ARHGEF38: variants seen among roughly 807,000 people sequenced by gnomAD.
ARHGEF38 encodes Rho guanine nucleotide exchange factor (GEF) 38.
A neutral mutation model predicts 79.9 loss-of-function variants in ARHGEF38; 79 were observed. The observed-to-expected ratio is 0.99, with a 90% confidence interval of 0.82 to 1.19. ARHGEF38 has a LOEUF of 1.19. Ranked by LOEUF, ARHGEF38 falls within the 50% of genes most tolerant of loss-of-function variation. The pLI is 0.00. For missense variants in ARHGEF38, 962 were observed against 907.2 expected, an observed-to-expected ratio of 1.06 and a Z score of -0.78; for synonymous variants, 366 against 328.3, an observed-to-expected ratio of 1.11 and a Z score of -1.24.
intron 2 of ARHGEF38, among the ~76,000 whole-genome samples, chr4:105,608,617 G>A (rs901668305): frequency 2.0e-5 from 3 of 151,778 alleles, no homozygotes; most frequent in East Asian, 1.9e-4. Context: ...TTTGTGTTGG[G>A]ACATTCCAAA....
chr4:105,679,635 C>CAG lies in ARHGEF38; in HGVS notation c.*1702_*1703dup, dbSNP rs1170575867. 2.5e-6 allele frequency: 2 copies of CAG among 813,784 alleles called. No homozygotes were observed. The allele number at this position is 813,784 out of a possible 1,614,324, so 50.4% of individuals were successfully genotyped here. The stretch of plus-strand genomic sequence containing the variant: ...CAACAGCAGCATAAGAAATGGAAGC[C>CAG]AGAGACCTTATGGCATCCATGCTTT... On this transcript the variant is annotated 3_prime_UTR_variant, in exon 14 of 14. Coordinates refer to ENST00000420470, the MANE Select transcript of ARHGEF38 (RefSeq NM_001242729.2).
chr4:105,581,835 T>C (rs1726804355), intron 1 of ARHGEF38, among the ~76,000 whole-genome samples: 1 of 152,166 alleles, frequency 6.6e-6, no homozygotes, highest in Non-Finnish European at 1.5e-5. Context: ...ACTCATGGTA[T>C]CGTGTTTCCG....
intron 1 of ARHGEF38, among the ~76,000 whole-genome samples, chr4:105,555,308 C>T (rs1391989326): frequency 1.3e-5 from 2 of 152,118 alleles, no homozygotes; most frequent in Non-Finnish European, 2.9e-5. Flanking sequence ...ATCTTAAAAA[C>T]GTAACCCTTA....
chr4:105,567,925 T>TC (rs1310118997), intron 1 of ARHGEF38, among the ~76,000 whole-genome samples: 1 of 71,798 alleles, frequency 1.4e-5, no homozygotes, highest in Non-Finnish European at 2.7e-5. Flanking sequence ...GTGCTATCCC[T>TC]CCCCCCCTCC....
chr4:105,608,036 G>A (rs1354472608), intron 2 of ARHGEF38, among the ~76,000 whole-genome samples: 1 of 152,058 alleles, frequency 6.6e-6, no homozygotes, highest in East Asian at 1.9e-4. Context: ...CTGGAAGCTG[G>A]GAAGTCCCAG....
chr4:105,614,117 A>C (rs1465406680), intron 3 of ARHGEF38, among the ~76,000 whole-genome samples: 1 of 152,132 alleles, frequency 6.6e-6, no homozygotes, highest in Non-Finnish European at 1.5e-5. Flanking sequence ...AAAAGTATTG[A>C]GCCAAATTTT....
chr4:105,575,160 T>C (rs1726436920), intron 1 of ARHGEF38, among the ~76,000 whole-genome samples: 1 of 152,164 alleles, frequency 6.6e-6, no homozygotes, highest in Non-Finnish European at 1.5e-5. Context: ...ATGACTTCTT[T>C]CCTTTGGGTA....
Position 105,678,046 on chromosome 4 carries a change from A to T in ARHGEF38, c.*109A>T. On this transcript the variant is annotated 3_prime_UTR_variant, in exon 14 of 14. Coordinates refer to ENST00000420470, the MANE Select transcript of ARHGEF38 (RefSeq NM_001242729.2). The stretch of plus-strand genomic sequence containing the variant: ...AAAGCAAGAAACCTCTGAACTACAG[A>T]AACTGATACTGTACTGGGTTTTCAG... 1 of 880,998 alleles carries T rather than the reference A, an allele frequency of 1.1e-6. No individual in the cohort carries two copies. Among genetic ancestry groups the T allele is most frequent in the Non-Finnish European group, 1.7e-6 (1 of 604,752 alleles). 54.6% of individuals were successfully genotyped at this position (880,998 alleles called of 1,614,324 possible).
intron 4 of ARHGEF38, chr4:105,631,310 T>A (rs1729183496): frequency 9.2e-7 from 1 of 1,091,566 alleles, no homozygotes; most frequent in Non-Finnish European, 1.1e-6. Context: ...AAATATAAAA[T>A]GTGGAAGAAA....
At chr4:105,576,147 T>A (rs2110431671) in intron 1 of ARHGEF38, among the ~76,000 whole-genome samples, 1 of 152,290 alleles carries the variant, frequency 6.6e-6, no homozygotes, top group East Asian at 1.9e-4. Flanking sequence ...TTTGGTTCCA[T>A]ATGAATTTTA....
chr4:105,552,967 C>CA lies in ARHGEF38; in HGVS notation c.196+11dup. 6.3e-7 allele frequency: 1 copy of CA among 1,598,856 alleles called. No individual in the cohort carries two copies. Among genetic ancestry groups the CA allele is most frequent in the Non-Finnish European group, 8.5e-7 (1 of 1,173,852 alleles). ...ATACAACCAGAAATTACAAGGTAAC[C>CA]AAAAAGAAATCAATTGTCCCAGTTA... is the stretch of plus-strand genomic sequence containing the variant. On this transcript the variant is annotated splice_region_variant and intron_variant, in intron 1 of 13. Transcript: ENST00000420470.
chr4:105,653,992 C>T, intron 7 of ARHGEF38, 73 bp from the exon 8 acceptor site: 1 of 780,538 alleles, frequency 1.3e-6, no homozygotes, highest in Non-Finnish European at 1.9e-6. Flanking sequence ...TGTGCTGGAC[C>T]AATATGGTCT....
chr4:105,560,927 TC>T (rs1725488090), intron 1 of ARHGEF38, among the ~76,000 whole-genome samples: 6 of 152,296 alleles, frequency 3.9e-5, no homozygotes, highest in Admixed American at 2.6e-4. Flanking sequence ...ATTGTTTACC[TC>T]TCTCAGATTT....
At chr4:105,558,824 T>G (rs931306997) in intron 1 of ARHGEF38, among the ~76,000 whole-genome samples, 2 of 151,976 alleles carry the variant, frequency 1.3e-5, no homozygotes, top group Admixed American at 6.6e-5. Flanking sequence ...TGCTTTTTTT[T>G]TTTGTTTATA....
At chr4:105,646,164 TG>T (rs1729830908) in intron 6 of ARHGEF38, among the ~76,000 whole-genome samples, 1 of 152,196 alleles carries the variant, frequency 6.6e-6, no homozygotes, top group South Asian at 2.1e-4. Context: ...TATTTATTTT[TG>T]TTTTATTTTC....
intron 10 of ARHGEF38, among the ~76,000 whole-genome samples, chr4:105,659,907 G>C (rs1730496925): frequency 6.8e-6 from 1 of 147,980 alleles, no homozygotes; most frequent in South Asian, 2.1e-4. Flanking sequence ...CTCCCATTAG[G>C]ATATAATTTT....
At chr4:105,621,181 T>C (rs1266004928) in intron 3 of ARHGEF38, among the ~76,000 whole-genome samples, 1 of 152,182 alleles carries the variant, frequency 6.6e-6, no homozygotes, top group Admixed American at 6.5e-5. Context: ...ATGTCAAGTG[T>C]AGCAAAAGAA....
Position 105,585,725 on chromosome 4 carries a change from G to GTTTTTT in ARHGEF38, c.197-3523_197-3522insTTTTTT, listed in dbSNP as rs1491390111. Among the ~76,000 whole-genome samples, 77 of 14,410 alleles carry GTTTTTT rather than the reference G, an allele frequency of 5.3e-3. 4 individuals are homozygous for GTTTTTT. The highest frequency in any genetic ancestry group is 8.9e-3 in the South Asian group (3 of 338). The allele number at this position is 14,410 out of a possible 152,430, so 9.5% of individuals were successfully genotyped here. ...TTCTTTCCTAAATAGCCCCTCCGTT[G>GTTTTTT]CTTTTTTTTTTTTTTTTTTTTTTTG... On this transcript the variant is annotated intron_variant, in intron 1 of 13. Coordinates refer to ENST00000420470, the MANE Select transcript of ARHGEF38 (RefSeq NM_001242729.2).
At chr4:105,635,407 TATG>T (rs1277550031) in intron 4 of ARHGEF38, among the ~76,000 whole-genome samples, 1 of 152,100 alleles carries the variant, frequency 6.6e-6, no homozygotes, top group Non-Finnish European at 1.5e-5. Context: ...TAATTTATGT[TATG>T]ATATTTAGGT....
Sources: gnomAD v4.1 joint callset for allele counts (sites outside exome capture counted in the v4.1 genomes callset) on GRCh38, gnomAD v4.1.1 for gene constraint, MANE v1.5 for transcripts, NCBI Gene and HGNC (gene_info 2026-07-23, HGNC 2026-07-21) for gene names.